CNKSR3: variants seen among roughly 807,000 people sequenced by gnomAD.
CNKSR3 encodes CNKSR family member 3.
CNKSR3 carries 36 observed loss-of-function variants against 67.7 expected under a neutral mutation model. The ratio of observed to expected loss-of-function variants is 0.53; its 90% CI spans 0.41 to 0.70. CNKSR3 has a LOEUF of 0.70. CNKSR3 is among the 30% of genes least tolerant of loss of function. CNKSR3 has a pLI of 0.00. For synonymous variants in CNKSR3, 281 were observed against 271.4 expected (o/e 1.04, Z -0.35); for missense variants, 630 against 695.2 (o/e 0.91, Z 1.05).
intron 1 of CNKSR3, among the ~76,000 whole-genome samples, chr6:154,463,325 G>A (rs1022612232): frequency 2.6e-5 from 4 of 151,670 alleles, no homozygotes; most frequent in East Asian, 3.9e-4. Flanking sequence ...GGCCCGCCTC[G>A]GCCTCCCAAA....
intron 1 of CNKSR3, among the ~76,000 whole-genome samples, chr6:154,480,477 T>C (rs1465266842): frequency 1.3e-5 from 2 of 152,182 alleles, no homozygotes; most frequent in African/African-American, 4.8e-5. Context: ...GGTAAAGCCT[T>C]TGAGAGCGGC....
At chr6:154,428,227 G>A (rs746213964) in intron 6 of CNKSR3, 40 bp from the exon 7 acceptor site, 23 of 1,299,200 alleles carry the variant, frequency 1.8e-5, no homozygotes, top group Admixed American at 3.4e-5. Context: ...TTACTCCAAC[G>A]TTTAGAGACA....
At chr6:154,501,417 T>C (rs1786990973) in intron 1 of CNKSR3, among the ~76,000 whole-genome samples, 1 of 152,182 alleles carries the variant, frequency 6.6e-6, no homozygotes, top group African/African-American at 2.4e-5. Context: ...GACCACGACT[T>C]GTAAGAACCT....
At chr6:154,448,026 C>G (rs139954697) in intron 2 of CNKSR3, among the ~76,000 whole-genome samples, 7 of 152,086 alleles carry the variant, frequency 4.6e-5, no homozygotes, top group South Asian at 2.1e-4. Context: ...AGTGACCCCC[C>G]CTGTCCAATG....
chr6:154,465,671 A>G (rs967228621), intron 1 of CNKSR3, among the ~76,000 whole-genome samples: 2 of 152,234 alleles, frequency 1.3e-5, no homozygotes, highest in Non-Finnish European at 2.9e-5. Flanking sequence ...ACAGTTTTAT[A>G]TAACAGGAAA....
At position 154,450,269 on chromosome 6, in the gene CNKSR3, C is replaced by T. The variant is rs2128719160; in HGVS notation, c.53-11G>A. The T allele has an allele frequency of 2.5e-6, 4 of 1,612,594 alleles. No homozygotes were observed. Among genetic ancestry groups the T allele is most frequent in the Admixed American group, 3.3e-5 (2 of 59,938 alleles). ...GGCAGTCATCCAACCCTGCCAAAAA[C>T]AATCAGAAGTCCCATTATTGCCATT... On this transcript the variant is annotated splice_polypyrimidine_tract_variant and intron_variant, in intron 1 of 12. Coordinates refer to ENST00000607772, the MANE Select transcript of CNKSR3 (RefSeq NM_173515.4).
intron 1 of CNKSR3, among the ~76,000 whole-genome samples, chr6:154,466,765 G>A (rs1279823651): frequency 6.7e-6 from 1 of 150,142 alleles, no homozygotes; most frequent in Non-Finnish European, 1.5e-5. Context: ...GGCTACAGGT[G>A]CACACCATCA....
rs186783144 is a variant in CNKSR3 at position 154,505,690 on chromosome 6, T to C, written c.52+4373A>G. Among the ~76,000 whole-genome samples the C allele has an allele frequency of 5.2e-4, 78 of 150,410 alleles. 3 individuals carry two copies. Among genetic ancestry groups the C allele is most frequent in the South Asian group, 1.5e-3 (7 of 4,766 alleles). ...TTTTTTTTGTATTTTTTAGTAGAGA[T>C]GGGGTTTCACCATGTTGGTCAGGAT... On this transcript the variant is annotated intron_variant, in intron 1 of 12. Coordinates refer to ENST00000607772, the MANE Select transcript of CNKSR3 (RefSeq NM_173515.4).
At chr6:154,444,095 A>G (rs1470146639) in intron 2 of CNKSR3, among the ~76,000 whole-genome samples, 1 of 152,170 alleles carries the variant, frequency 6.6e-6, no homozygotes, top group Non-Finnish European at 1.5e-5. Context: ...TTGTTTCATC[A>G]TTTTTAAAAA....
intron 1 of CNKSR3, among the ~76,000 whole-genome samples, chr6:154,477,380 G>A (rs191025000): frequency 5.3e-5 from 8 of 151,858 alleles, no homozygotes; most frequent in African/African-American, 7.2e-5. Context: ...GTACAATCTC[G>A]GCTCACTGCA....
intron 1 of CNKSR3, among the ~76,000 whole-genome samples, chr6:154,472,337 T>C (rs75844725): frequency 3.1e-3 from 469 of 152,326 alleles, no homozygotes; most frequent in African/African-American, 0.01. Context: ...CATCCAAGCT[T>C]AATAAAATAC....
chr6:154,412,846 A>G (rs960020971), intron 10 of CNKSR3, among the ~76,000 whole-genome samples: 3 of 152,196 alleles, frequency 2.0e-5, no homozygotes, highest in Non-Finnish European at 4.4e-5. Flanking sequence ...ACCTAATCAT[A>G]TATTTCTCAA....
At chr6:154,441,422 T>G (rs1190897684) in intron 3 of CNKSR3, 43 bp from the exon 4 acceptor site, 5 of 1,373,792 alleles carry the variant, frequency 3.6e-6, no homozygotes, top group Non-Finnish European at 4.2e-6. Flanking sequence ...GTAGGGAGAA[T>G]CCACGGGGAT....
rs1584037541 is a variant in CNKSR3, at chr6:154,392,586, G to A, written c.*13768C>T. The A allele has an allele frequency of 6.6e-6, 1 of 152,248 alleles. No individual in the cohort carries two copies. The highest frequency in any genetic ancestry group is 1.9e-4 in the East Asian group (1 of 5,196). 9.4% of individuals were successfully genotyped at this position (152,248 alleles called of 1,614,324 possible). A position where few individuals can be genotyped will look rare whatever the true frequency, so the allele number is the denominator to read the frequency against. On this transcript the variant is annotated 3_prime_UTR_variant, in exon 13 of 13. Transcript: ENST00000607772. ...AAAAGAGGGTCCCGAAACCTTGTGG[G>A]GATTGTAAGCTCTATGATGAAGGAG...
Position 154,452,222 on chromosome 6 carries a change from T to C in CNKSR3, c.53-1964A>G, listed in dbSNP as rs1582872506. On this transcript the variant is annotated intron_variant, in intron 1 of 12. Transcript: ENST00000607772. ...GCTGGTCAGATGCCAAGAGAAGGGCTGATGCACCCATCATCAAGGGTCTGT... is the reference window on the plus strand; with the variant it reads ...GCTGGTCAGATGCCAAGAGAAGGGCCGATGCACCCATCATCAAGGGTCTGT... Among the ~76,000 whole-genome samples, 4 of 152,174 alleles carry C rather than the reference T, an allele frequency of 2.6e-5. 1 individual carries two copies. The South Asian group carries it at 8.3e-4, about 32-fold the overall frequency.
chr6:154,412,020 T>C lies in CNKSR3; in HGVS notation c.1071-878A>G, dbSNP rs529793172. On this transcript the variant is annotated intron_variant, in intron 10 of 12. Transcript: ENST00000607772. ...CTACATGTCAGTTTAAACTGTAGGA[T>C]TAATTTGAGTCCAAGTTACCAGCTG... is the stretch of plus-strand genomic sequence containing the variant. Among the ~76,000 whole-genome samples the C allele has an allele frequency of 1.8e-4, 28 of 152,348 alleles. No homozygotes were observed. The South Asian group carries it at 5.6e-3, about 30-fold the overall frequency.
rs67203207 is a variant in CNKSR3, at chr6:154,394,614, T to TAAAAAA, written c.*11734_*11739dup. On this transcript the variant is annotated 3_prime_UTR_variant, in exon 13 of 13. Coordinates refer to ENST00000607772, the MANE Select transcript of CNKSR3 (RefSeq NM_173515.4). ...TATAGCATGAGCCTAATACAAGAAG[T>TAAAAAA]AAAAAAAAAAAAAAAAAAAAAGAAG... 3 of 67,770 alleles carry TAAAAAA rather than the reference T, an allele frequency of 4.4e-5. No homozygotes were observed. Among genetic ancestry groups the TAAAAAA allele is most frequent in the Non-Finnish European group, 6.7e-5 (2 of 30,062 alleles). The allele number at this position is 67,770 out of a possible 1,614,324, so 4.2% of individuals were successfully genotyped here.
chr6:154,489,397 G>A (rs1786738714), intron 1 of CNKSR3, among the ~76,000 whole-genome samples: 1 of 152,112 alleles, frequency 6.6e-6, no homozygotes, highest in Non-Finnish European at 1.5e-5. Context: ...CTGGTGTGGT[G>A]GCGCACGCCT....
intron 1 of CNKSR3, among the ~76,000 whole-genome samples, chr6:154,477,206 C>T (rs1786469712): frequency 6.6e-6 from 1 of 151,814 alleles, no homozygotes; most frequent in Non-Finnish European, 1.5e-5. Context: ...ACTGAACTAT[C>T]AAAAATGATT....
Sources: gnomAD v4.1 joint callset for allele counts (sites outside exome capture counted in the v4.1 genomes callset) on GRCh38, gnomAD v4.1.1 for gene constraint, MANE v1.5 for transcripts, NCBI Gene and HGNC (gene_info 2026-07-23, HGNC 2026-07-21) for gene names.